The following ACSM1 variants were observed in gnomAD, a reference collection of about 807,000 sequenced individuals.
ACSM1 encodes the protein acyl-CoA synthetase medium chain family member 1, also known as acyl-coenzyme A synthetase ACSM1, mitochondrial.
A neutral mutation model predicts 75.8 loss-of-function variants in ACSM1; 79 were observed. The observed-to-expected ratio is 1.04, with a 90% CI of 0.87 to 1.26. The LOEUF (loss-of-function observed/expected upper bound fraction) is 1.26. Ranked by LOEUF, ACSM1 falls within the 50% of genes most tolerant of loss-of-function variation. ACSM1 has a pLI of 0.00. For synonymous variants in ACSM1, 279 were observed against 265.8 expected, an observed-to-expected ratio of 1.05 and a Z score of -0.48; for missense variants, 676 against 720.1, an observed-to-expected ratio of 0.94 and a Z score of 0.70.
intron 5 of ACSM1, among the ~76,000 whole-genome samples, chr16:20,670,242 T>C (rs1317913959): frequency 6.6e-6 from 1 of 152,212 alleles, no homozygotes; most frequent in Non-Finnish European, 1.5e-5. Context: ...TAACCAGACA[T>C]GTCATCCCTA....
chr16:20,659,582 T>C (rs1313562400), intron 7 of ACSM1, among the ~76,000 whole-genome samples: 2 of 152,170 alleles, frequency 1.3e-5, no homozygotes, highest in Non-Finnish European at 1.5e-5. Context: ...ATCAAAATAT[T>C]GTACCCCAAA....
At chr16:20,666,062 G>A (rs932298493) in intron 6 of ACSM1, among the ~76,000 whole-genome samples, 3 of 152,056 alleles carry the variant, frequency 2.0e-5, no homozygotes, top group Admixed American at 2.0e-4. Flanking sequence ...TTTCCCATGC[G>A]AATTGGAAAA....
intron 4 of ACSM1, among the ~76,000 whole-genome samples, chr16:20,672,497 A>ATATATATATATAT (rs1274005290): frequency 3.5e-5 from 4 of 112,770 alleles, no homozygotes; most frequent in Admixed American, 9.3e-5. Flanking sequence ...TATATATATA[A>ATATATATATATAT]AAAACATATT....
chr16:20,654,021 T>C (rs1382991886), intron 7 of ACSM1, among the ~76,000 whole-genome samples: 1 of 152,194 alleles, frequency 6.6e-6, no homozygotes, highest in Non-Finnish European at 1.5e-5. Context: ...AAGGCTACAG[T>C]AACCAAAACA....
rs766792961 is a variant in ACSM1 at position 20,640,467 on chromosome 16, C to T, written c.1110G>A (p.Ser370=). ...TCTGGTTTGCACCACCTACCGTTTC[C>T]GACTGCCCATAGTTCTCGTAGAGCA... ...GLLLYENYGQ[S]ETGLICATYW... is the part of the protein sequence containing the mutation. Residue 370 remains serine, a synonymous_variant, in exon 8 of 14, where the codon TCG becomes TCA. Coordinates refer to ENST00000520010, the MANE Select transcript of ACSM1 (RefSeq NM_001318890.3). 1.7e-5 allele frequency: 27 copies of T among 1,614,032 alleles called. No homozygotes were observed. The highest frequency in any genetic ancestry group is 6.7e-5 in the East Asian group (3 of 44,896).
chr16:20,678,520 G>A (rs1199730626), intron 4 of ACSM1, among the ~76,000 whole-genome samples: 1 of 152,206 alleles, frequency 6.6e-6, no homozygotes, highest in East Asian at 1.9e-4. Context: ...GGGGCTATCA[G>A]TACATGTTGG....
At chr16:20,639,627 C>G (rs937329377) in intron 8 of ACSM1, among the ~76,000 whole-genome samples, 1 of 152,160 alleles carries the variant, frequency 6.6e-6, no homozygotes, top group Non-Finnish European at 1.5e-5. Flanking sequence ...GGTAAGATGA[C>G]GAGTTGTACA....
chr16:20,696,938 T>C (rs756673024), intron 1 of ACSM1, among the ~76,000 whole-genome samples: 17 of 152,220 alleles, frequency 1.1e-4, no homozygotes, highest in Non-Finnish European at 1.6e-4. Context: ...AAGCGCACAG[T>C]AGTAATACCT....
intron 10 of ACSM1, among the ~76,000 whole-genome samples, chr16:20,628,005 T>C (rs1442095851): frequency 1.3e-5 from 2 of 149,700 alleles, no homozygotes; most frequent in African/African-American, 2.5e-5. Context: ...AGCATTCACA[T>C]AGAGCCTGGA....
At chr16:20,636,641 G>A in intron 10 of ACSM1, 98 bp downstream of exon 10, 1 of 836,920 alleles carries the variant, frequency 1.2e-6, no homozygotes, top group Non-Finnish European at 2.0e-6. Context: ...ATTTCATTGA[G>A]TTAGAGCAAA....
intron 2 of ACSM1, among the ~76,000 whole-genome samples, chr16:20,689,614 ATTG>A (rs2079616739): frequency 6.6e-6 from 1 of 152,230 alleles, no homozygotes; most frequent in African/African-American, 2.4e-5. Context: ...AACTTTTAGA[ATTG>A]TTTTTATAAT....
intron 7 of ACSM1, among the ~76,000 whole-genome samples, chr16:20,646,625 T>C (rs548833324): frequency 6.6e-6 from 1 of 152,334 alleles, no homozygotes; most frequent in Admixed American, 6.5e-5. Context: ...ACTTTACTCT[T>C]TTCACATGTC....
chr16:20,647,971 G>A (rs922335066), intron 7 of ACSM1, among the ~76,000 whole-genome samples: 6 of 152,172 alleles, frequency 3.9e-5, no homozygotes, highest in African/African-American at 1.4e-4. Flanking sequence ...CTCACCACCT[G>A]TTCCTTTGTT....
rs567807982 is a variant in ACSM1, at chr16:20,648,486, G to A, written c.993-7902C>T. On this transcript the variant is annotated intron_variant, in intron 7 of 13. Transcript: ENST00000520010. The surrounding 1 kb of genome is among the most constrained non-coding windows in gnomAD (Gnocchi z 4.2). The stretch of plus-strand genomic sequence containing the variant: ...CAATTGCATTCCAAAGTTATCCTAA[G>A]ACAAGAGGTCAGGCCATGATGGAAA... 6.6e-6 allele frequency among the ~76,000 whole-genome samples: 1 copy of A among 152,206 alleles called. No individual in the cohort carries two copies. Among genetic ancestry groups the A allele is most frequent in the South Asian group, 2.1e-4 (1 of 4,824 alleles).
chr16:20,634,088 A>G (rs1244988816), intron 10 of ACSM1, among the ~76,000 whole-genome samples: 2 of 152,334 alleles, frequency 1.3e-5, no homozygotes, highest in Non-Finnish European at 2.9e-5. Flanking sequence ...TATATTGTCA[A>G]TTGATTTAAG....
chr16:20,646,927 G>A (rs2018399348), intron 7 of ACSM1, among the ~76,000 whole-genome samples: 1 of 152,200 alleles, frequency 6.6e-6, no homozygotes, highest in Non-Finnish European at 1.5e-5. Context: ...ATGGGGAAGA[G>A]CATTTGCTTG....
intron 4 of ACSM1, chr16:20,679,651 T>C (rs545189609): frequency 6.6e-6 from 1 of 152,300 alleles, no homozygotes; most frequent in South Asian, 2.1e-4. Flanking sequence ...ATGCCCACAC[T>C]GTGTACATAC....
At chr16:20,657,617 T>TA (rs1332475020) in intron 7 of ACSM1, among the ~76,000 whole-genome samples, 1 of 152,058 alleles carries the variant, frequency 6.6e-6, no homozygotes, top group African/African-American at 2.4e-5. Context: ...TGTTTTTTTT[T>TA]TTATTATACC....
intron 7 of ACSM1, among the ~76,000 whole-genome samples, chr16:20,642,462 G>A (rs1673061): frequency 0.18 from 26,967 of 152,186 alleles, 3,289 homozygotes; most frequent in African/African-American, 0.35. Flanking sequence ...GGAGCAATTG[G>A]TGGTGGTATA....
Sources: gnomAD v4.1 joint callset for allele counts (sites outside exome capture counted in the v4.1 genomes callset) on GRCh38, gnomAD v4.1.1 for gene constraint, Gnocchi (gnomAD v3.1) non-coding constraint, MANE v1.5 for transcripts, NCBI Gene and HGNC (gene_info 2026-07-23, HGNC 2026-07-21) for gene names.